The following PLAA variants were observed in gnomAD, a reference collection of about 807,000 sequenced individuals.
PLAA encodes the protein phospholipase A2 activating protein, also known as phospholipase A-2-activating protein.
PLAA carries 48 observed loss-of-function variants against 84.1 expected under a neutral mutation model. The observed-to-expected ratio is 0.57, with a 90% CI of 0.45 to 0.73. The LOEUF is 0.73. Ranked by LOEUF, PLAA falls within the 30% of genes least tolerant of loss-of-function variation. The pLI is 0.00. For synonymous variants in PLAA, 392 were observed against 336.6 expected, an observed-to-expected ratio of 1.16 and a Z score of -1.80; for missense variants, 903 against 954.7, an observed-to-expected ratio of 0.95 and a Z score of 0.71.
intron 12 of PLAA, among the ~76,000 whole-genome samples, chr9:26,909,221 A>G (rs1191510442): frequency 1.3e-5 from 2 of 152,194 alleles, no homozygotes; most frequent in Non-Finnish European, 2.9e-5. Context: ...AATGGAAACT[A>G]GGGCCTGTTT....
At position 26,917,091 on chromosome 9, in the gene PLAA, TC is replaced by T. The variant is rs745696757; in HGVS notation, c.1486+5del. The T allele has an allele frequency of 7.0e-5, 113 of 1,611,706 alleles. No individual in the cohort carries two copies. In the Middle Eastern group the frequency reaches 8.3e-4, roughly 12 times the overall value. Reference sequence around the variant, plus strand: ...GAAAGATACATGAATCAAAACTACATCCCACCTGTAAAAGGATCTGCTGTGG... The same window carrying T: ...GAAAGATACATGAATCAAAACTACATCCACCTGTAAAAGGATCTGCTGTGG... On this transcript the variant is annotated splice_donor_5th_base_variant and intron_variant, in intron 10 of 13. Coordinates refer to ENST00000397292, the MANE Select transcript of PLAA (RefSeq NM_001031689.3).
At position 26,925,895 on chromosome 9, in the gene PLAA, T is replaced by C. The variant is rs763357081; in HGVS notation, c.799A>G (p.Ile267Val). 1.9e-6 allele frequency: 3 copies of C among 1,613,650 alleles called. No homozygotes were observed. Among genetic ancestry groups the C allele is most frequent in the East Asian group, 2.2e-5 (1 of 44,860 alleles). ...IWKHGECAQT[I>V]RLPAQSIWCC... is the part of the protein sequence containing the mutation. Reference sequence around the variant, plus strand: ...CATATAGACTGAGCTGGAAGTCGGATAGTTTGAGCACATTCCCCATGTTTC... The same window carrying C: ...CATATAGACTGAGCTGGAAGTCGGACAGTTTGAGCACATTCCCCATGTTTC... Residue 267 changes from isoleucine to valine, a missense_variant, in exon 6 of 14, where the codon ATC becomes GTC. By Grantham distance (29) the Ile-to-Val change is conservative (BLOSUM62 3). Transcript: ENST00000397292.
chr9:26,917,091 T>A lies in PLAA; in HGVS notation c.1486+6A>T, dbSNP rs189073379. The A allele has an allele frequency of 1.9e-3, 3,068 of 1,611,678 alleles. 3 individuals are homozygous for A. The highest frequency in any genetic ancestry group is 2.4e-3 in the Non-Finnish European group (2,827 of 1,177,972). On this transcript the variant is annotated splice_donor_region_variant and intron_variant, in intron 10 of 13. Coordinates refer to ENST00000397292, the MANE Select transcript of PLAA (RefSeq NM_001031689.3). Reference sequence around the variant, plus strand: ...GAAAGATACATGAATCAAAACTACATCCCACCTGTAAAAGGATCTGCTGTG... The same window carrying A: ...GAAAGATACATGAATCAAAACTACAACCCACCTGTAAAAGGATCTGCTGTG...
intron 1 of PLAA, among the ~76,000 whole-genome samples, chr9:26,938,443 T>C (rs1825427285): frequency 6.6e-6 from 1 of 151,946 alleles, no homozygotes; most frequent in Non-Finnish European, 1.5e-5. Flanking sequence ...TCCCAGTTAC[T>C]TGGGAGGCTA....
intron 1 of PLAA, among the ~76,000 whole-genome samples, chr9:26,939,336 C>T (rs554073973): frequency 2.0e-5 from 3 of 151,612 alleles, no homozygotes; most frequent in South Asian, 4.2e-4. Context: ...TGCAGTGAGC[C>T]GAGATTGCGC....
At chr9:26,926,971 A>C (rs1330010496) in intron 4 of PLAA, among the ~76,000 whole-genome samples, 2 of 152,034 alleles carry the variant, frequency 1.3e-5, no homozygotes, top group Non-Finnish European at 2.9e-5. Context: ...AAGCTTGTGA[A>C]GTCAGATTTC....
intron 1 of PLAA, among the ~76,000 whole-genome samples, chr9:26,941,124 A>C (rs1825520269): frequency 6.8e-6 from 1 of 148,134 alleles, no homozygotes; most frequent in African/African-American, 2.5e-5. Flanking sequence ...TATTTCTTAA[A>C]CTGATTTTAA....
At chr9:26,911,499 G>T (rs1184855375) in intron 11 of PLAA, among the ~76,000 whole-genome samples, 1 of 152,054 alleles carries the variant, frequency 6.6e-6, no homozygotes, top group Non-Finnish European at 1.5e-5. Context: ...ATGTTGGTTG[G>T]GCTGGTCTCG....
Position 26,919,379 on chromosome 9 carries a change from A to G in PLAA, c.1348T>C (p.Phe450Leu). Residue 450 changes from phenylalanine (F) to leucine (L), a missense_variant, in exon 9 of 14, where the codon TTT (phenylalanine) becomes CTT (leucine). Coordinates refer to ENST00000397292, the MANE Select transcript of PLAA (RefSeq NM_001031689.3). ...NPMFLDQVAK[F>L]IIDNTKGQML... ...TGACCTTTTGTGTTATCAATAATAA[A>G]TTTAGCTACTTGATCCAGAAACATA... The G allele has an allele frequency of 6.2e-7, 1 of 1,613,126 alleles. No homozygotes were observed. The highest frequency in any genetic ancestry group is 8.5e-7 in the Non-Finnish European group (1 of 1,179,686).
In PLAA at chr9:26,919,368, A is replaced by C; in HGVS notation, c.1359T>G (p.Asp453Glu). ...FLDQVAKFII[D>E]NTKGQMLGLG... ...GTCCCAACATTTGACCTTTTGTGTTATCAATAATAAATTTAGCTACTTGAT... is the reference window on the plus strand; with the variant it reads ...GTCCCAACATTTGACCTTTTGTGTTCTCAATAATAAATTTAGCTACTTGAT... Residue 453 changes from aspartate (D) to glutamate (E), a missense_variant, in exon 9 of 14, where the codon GAT becomes GAG. Transcript: ENST00000397292. The C allele has an allele frequency of 6.2e-7, 1 of 1,612,878 alleles. No individual in the cohort carries two copies. The highest frequency in any genetic ancestry group is 2.2e-5 in the East Asian group (1 of 44,792).
At chr9:26,926,603 T>C (rs748073182) in intron 4 of PLAA, 43 bp from the exon 5 acceptor site, 33 of 1,450,630 alleles carry the variant, frequency 2.3e-5, no homozygotes, top group Non-Finnish European at 3.1e-5. Flanking sequence ...AACTGATAAT[T>C]TGGCTGATGG....
intron 2 of PLAA, among the ~76,000 whole-genome samples, chr9:26,930,274 T>C (rs1433741317): frequency 6.6e-6 from 1 of 151,918 alleles, no homozygotes; most frequent in Non-Finnish European, 1.5e-5. Flanking sequence ...CCAGCTAATT[T>C]TTTTGTATTT....
chr9:26,921,108 T>C (rs979988720), intron 7 of PLAA, among the ~76,000 whole-genome samples: 3 of 152,190 alleles, frequency 2.0e-5, no homozygotes, highest in African/African-American at 7.2e-5. Context: ...CCTTACTTTC[T>C]ACTATTCCCC....
Position 26,905,547 on chromosome 9 carries a change from T to A in PLAA, c.2352A>T (p.Val784=). The change falls in exon 14 of 14, where the codon GTA becomes GTT. Residue 784 remains valine, a synonymous_variant. Coordinates refer to ENST00000397292, the MANE Select transcript of PLAA (RefSeq NM_001031689.3). Reference sequence around the variant, plus strand: ...TTAGGATAAATCTACAGCATTCACTTACTTTAGCTGGTTCTGATACTGAGG... The same window carrying A: ...TTAGGATAAATCTACAGCATTCACTAACTTTAGCTGGTTCTGATACTGAGG... ...KYSSVSEPAK[V]SECCRFILNL... 6.2e-7 allele frequency: 1 copy of A among 1,613,124 alleles called. No homozygotes were observed. The highest frequency in any genetic ancestry group is 8.5e-7 in the Non-Finnish European group (1 of 1,179,736).
rs1824680953 is a variant in PLAA at position 26,919,452 on chromosome 9, G to T, written c.1275C>A (p.Asp425Glu). The change falls in exon 9 of 14, where the codon GAC (aspartate) becomes GAA (glutamate). Residue 425 changes from aspartate to glutamate, a missense_variant. Coordinates refer to ENST00000397292, the MANE Select transcript of PLAA (RefSeq NM_001031689.3). ...AGAAGTTGTATGCAGTTAACCAAGG[G>T]TCATCACTGGTATTATATGGCAATT... is the stretch of plus-strand genomic sequence containing the variant. ...SYKLPYNTSD[D>E]PWLTAYNFLQ... 1 of 1,610,358 alleles carries T rather than the reference G, an allele frequency of 6.2e-7. No homozygotes were observed. Among genetic ancestry groups the T allele is most frequent in the Non-Finnish European group, 8.5e-7 (1 of 1,176,922 alleles).
chr9:26,930,106 ATTTTTT>A (rs746808419), intron 2 of PLAA, among the ~76,000 whole-genome samples: 1 of 140,158 alleles, frequency 7.1e-6, no homozygotes, highest in Non-Finnish European at 1.6e-5. Context: ...TATTATTATT[ATTTTTT>A]TTTTTTTTTT....
intron 1 of PLAA, among the ~76,000 whole-genome samples, chr9:26,939,651 T>C (rs1168534953): frequency 6.6e-6 from 1 of 152,030 alleles, no homozygotes; most frequent in Non-Finnish European, 1.5e-5. Context: ...GTGCTGTTTA[T>C]GAGACTCACT....
At chr9:26,938,975 G>C (rs1030063043) in intron 1 of PLAA, among the ~76,000 whole-genome samples, 2 of 152,174 alleles carry the variant, frequency 1.3e-5, no homozygotes, top group Admixed American at 6.6e-5. Flanking sequence ...GTTTGTTATT[G>C]AAGTTAAATG....
chr9:26,907,036 GAAAAAAA>G (rs59918176), intron 13 of PLAA, among the ~76,000 whole-genome samples: 1 of 90,494 alleles, frequency 1.1e-5, no homozygotes, highest in African/African-American at 4.0e-5. Flanking sequence ...ACATTTTATT[GAAAAAAA>G]AAAAAAAAAG....
Sources: gnomAD v4.1 joint callset for allele counts (sites outside exome capture counted in the v4.1 genomes callset) on GRCh38, gnomAD v4.1.1 for gene constraint, MANE v1.5 for transcripts, NCBI Gene and HGNC (gene_info 2026-07-23, HGNC 2026-07-21) for gene names.